PHF14: variants seen among roughly 807,000 people sequenced by gnomAD.
PHF14 encodes PHD finger protein 14.
Under a neutral mutation model 117.9 loss-of-function variants are expected in PHF14, and 55 were observed. The observed-to-expected ratio is 0.47, with a 90% CI of 0.38 to 0.58. The LOEUF (loss-of-function observed/expected upper bound fraction) is 0.58, where lower values mean the gene tolerates loss of function less well. Ranked by LOEUF, PHF14 falls within the 20% of genes least tolerant of loss-of-function variation. The pLI is 0.00. For missense variants in PHF14, 978 were observed against 1,122.2 expected, an observed-to-expected ratio of 0.87 and a Z score of 1.84; for synonymous variants, 409 against 368.6, an observed-to-expected ratio of 1.11 and a Z score of -1.26.
intron 6 of PHF14, among the ~76,000 whole-genome samples, chr7:11,024,369 G>C (rs577690467): frequency 6.6e-6 from 1 of 152,298 alleles, no homozygotes; most frequent in Non-Finnish European, 1.5e-5. Flanking sequence ...AGAAGATTTA[G>C]CTAAGACAAA....
At chr7:11,095,028 T>C (rs1786791560) in intron 16 of PHF14, among the ~76,000 whole-genome samples, 1 of 152,154 alleles carries the variant, frequency 6.6e-6, no homozygotes, top group South Asian at 2.1e-4. Context: ...TCAGAAACTT[T>C]ACTGAGCCTG....
At chr7:11,118,223 T>G (rs1167788196) in intron 17 of PHF14, among the ~76,000 whole-genome samples, 1 of 151,934 alleles carries the variant, frequency 6.6e-6, no homozygotes, top group Admixed American at 6.6e-5. Flanking sequence ...AGTCTGAGAA[T>G]TAAAACTGTG....
intron 4 of PHF14, among the ~76,000 whole-genome samples, chr7:10,996,243 G>C (rs1337797792): frequency 1.3e-5 from 2 of 152,248 alleles, no homozygotes; most frequent in Non-Finnish European, 2.9e-5. Flanking sequence ...GGAGACCATT[G>C]CAATTATCTA....
At chr7:10,987,352 T>G (rs1476071494) in intron 3 of PHF14, among the ~76,000 whole-genome samples, 1 of 152,150 alleles carries the variant, frequency 6.6e-6, no homozygotes. Flanking sequence ...TGCTGGAATT[T>G]CCTTGTATTA....
intron 17 of PHF14, among the ~76,000 whole-genome samples, chr7:11,129,049 A>G (rs1202560297): frequency 1.3e-5 from 2 of 152,016 alleles, no homozygotes; most frequent in African/African-American, 2.4e-5. Flanking sequence ...TTTCTGTCAT[A>G]CTTTCTTAAA....
At chr7:11,167,153 A>G (rs1411592829) in intron 17 of PHF14, among the ~76,000 whole-genome samples, 1 of 152,176 alleles carries the variant, frequency 6.6e-6, no homozygotes, top group African/African-American at 2.4e-5. Context: ...GTTTTGACTT[A>G]GAGCAGCAAG....
rs58903529 is a variant in PHF14, at chr7:11,083,016, T to C, written c.2654+20931T>C. Among the ~76,000 whole-genome samples the C allele has an allele frequency of 8.1e-3, 1,232 of 152,340 alleles. 20 individuals carry two copies. The highest frequency in any genetic ancestry group is 0.028 in the African/African-American group (1,167 of 41,580). ...GGAAGAAAACTAGCTCTCTAGCTTA[T>C]CACAGATGACTTCTACCCCCTCTCC... On this transcript the variant is annotated intron_variant, in intron 16 of 17. Coordinates refer to ENST00000634607, the MANE Select transcript of PHF14 (RefSeq NM_001007157.2).
chr7:11,140,224 G>A (rs1270399491), intron 17 of PHF14, among the ~76,000 whole-genome samples: 2 of 151,826 alleles, frequency 1.3e-5, no homozygotes, highest in South Asian at 2.1e-4. Flanking sequence ...CCCGTTATAC[G>A]ACCCTACCGT....
At chr7:11,139,835 A>G (rs1287565875) in intron 17 of PHF14, among the ~76,000 whole-genome samples, 1 of 152,186 alleles carries the variant, frequency 6.6e-6, no homozygotes, top group Non-Finnish European at 1.5e-5. Context: ...AAAATTTTCC[A>G]TAGGGTATGA....
intron 10 of PHF14, among the ~76,000 whole-genome samples, chr7:11,037,781 G>T (rs1221322839): frequency 6.6e-6 from 1 of 152,136 alleles, no homozygotes; most frequent in Non-Finnish European, 1.5e-5. Context: ...TAGGAAGTAC[G>T]TTTCCAATAA....
At chr7:10,994,030 G>T (rs1415374600) in intron 4 of PHF14, among the ~76,000 whole-genome samples, 1 of 150,670 alleles carries the variant, frequency 6.6e-6, no homozygotes, top group Non-Finnish European at 1.5e-5. Flanking sequence ...AAAAAAAGTT[G>T]TTAAGGGAAA....
chr7:11,049,744 T>C (rs984207032), intron 13 of PHF14, among the ~76,000 whole-genome samples: 3 of 152,180 alleles, frequency 2.0e-5, no homozygotes, highest in Admixed American at 2.0e-4. Context: ...TCATTTCAAT[T>C]CTGAGATTCT....
At chr7:11,027,239 A>G (rs895612760) in intron 6 of PHF14, among the ~76,000 whole-genome samples, 1 of 152,124 alleles carries the variant, frequency 6.6e-6, no homozygotes, top group African/African-American at 2.4e-5. Context: ...TCTCTTGCTC[A>G]ATCTCATGTT....
chr7:11,153,791 TA>T (rs2128354749), intron 17 of PHF14, among the ~76,000 whole-genome samples: 1 of 152,292 alleles, frequency 6.6e-6, no homozygotes, highest in East Asian at 1.9e-4. Context: ...TAGGATTAAT[TA>T]AAGAAGACTT....
chr7:11,105,985 A>G (rs1287782466), intron 16 of PHF14: 8 of 984,984 alleles, frequency 8.1e-6, no homozygotes, highest in Non-Finnish European at 9.6e-6. Flanking sequence ...CTGCTGAAAA[A>G]TTTCCAAGGG....
chr7:11,072,014 A>G (rs771826720), intron 16 of PHF14, among the ~76,000 whole-genome samples: 2 of 152,218 alleles, frequency 1.3e-5, no homozygotes, highest in Non-Finnish European at 2.9e-5. Flanking sequence ...ATGAGGATTT[A>G]TAACCATTCT....
At chr7:11,135,920 T>C (rs1788208101) in intron 17 of PHF14, among the ~76,000 whole-genome samples, 1 of 152,108 alleles carries the variant, frequency 6.6e-6, no homozygotes, top group Non-Finnish European at 1.5e-5. Context: ...CTGACCAAGG[T>C]AAAGGATGAT....
chr7:11,118,686 AATC>A, intron 17 of PHF14, among the ~76,000 whole-genome samples: 1 of 151,960 alleles, frequency 6.6e-6, no homozygotes, highest in East Asian at 1.9e-4. Flanking sequence ...TTTATCAAGT[AATC>A]ATTTTCAGTA....
chr7:11,000,915 T>C (rs2128312989), intron 4 of PHF14, among the ~76,000 whole-genome samples: 1 of 152,238 alleles, frequency 6.6e-6, no homozygotes, highest in Admixed American at 6.5e-5. Context: ...CTTTTGGTCT[T>C]GTATCTAAAA....
Sources: allele counts gnomAD v4.1 joint callset (sites outside exome capture counted in the v4.1 genomes callset), GRCh38; gene constraint gnomAD v4.1.1; transcripts MANE v1.5; gene names NCBI Gene and HGNC (gene_info 2026-07-23, HGNC 2026-07-21).